CCL20: variants seen among roughly 807,000 people sequenced by gnomAD.
CCL20 encodes the protein C-C motif chemokine 20.
Under a neutral mutation model 10.8 loss-of-function variants are expected in CCL20, and 8 were observed. That is an observed-to-expected ratio of 0.74 (90% CI 0.44 to 1.34). The LOEUF is 1.34. Among genes scored for constraint, CCL20 ranks in the 40% most tolerant of loss-of-function variants. The pLI is 0.01. For synonymous variants in CCL20, 40 were observed against 39.4 expected (o/e 1.02, Z -0.06); for missense variants, 107 against 117.9 (o/e 0.91, Z 0.43).
Position 227,816,320 on chromosome 2 carries a change from A to G in CCL20, c.205A>G (p.Lys69Glu). Residue 69 changes from lysine (K) to glutamate (E), a missense_variant, in exon 3 of 4, where the codon AAA becomes GAA. By Grantham distance (56) the Lys-to-Glu change is moderately conservative. Coordinates refer to ENST00000358813, the MANE Select transcript of CCL20 (RefSeq NM_004591.3). Reference protein sequence around the residue: ...DINAIIFHTKKKLSVCANPKQ... With the variant: ...DINAIIFHTKEKLSVCANPKQ... ...CTGATTTTTCAGCTTTCACACAAAG[A>G]AAAAGTTGTCTGTGTGCGCAAATCC... The G allele has an allele frequency of 1.2e-6, 2 of 1,609,698 alleles. No homozygotes were observed. The highest frequency in any genetic ancestry group is 1.7e-6 in the Non-Finnish European group (2 of 1,176,260).
chr2:227,814,063 G>T (rs752954076), intron 1 of CCL20, 76 bp downstream of exon 1: 60 of 1,250,534 alleles, frequency 4.8e-5, no homozygotes, highest in Non-Finnish European at 6.7e-5. Flanking sequence ...TCAACTGGGG[G>T]TCCCTAAGGG....
Sources: gnomAD v4.1 joint callset for allele counts on GRCh38, gnomAD v4.1.1 for gene constraint, MANE v1.5 for transcripts, NCBI Gene and HGNC (gene_info 2026-07-23, HGNC 2026-07-21) for gene names.